BMPER: variants seen among roughly 807,000 people sequenced by gnomAD.
The protein encoded by BMPER is BMP binding endothelial regulator, also known as BMP-binding endothelial regulator protein.
Under a neutral mutation model 87.3 loss-of-function variants are expected in BMPER, and 45 were observed. That is an observed-to-expected ratio of 0.52 (90% CI 0.41 to 0.66). The LOEUF is 0.66. Ranked by LOEUF, BMPER falls within the 30% of genes least tolerant of loss-of-function variation. BMPER has a pLI of 0.00. For missense variants in BMPER, 784 were observed against 867.5 expected (o/e 0.90, Z 1.21); for synonymous variants, 326 against 316.2 (o/e 1.03, Z -0.33).
chr7:34,062,176 A>G (rs1788455043), intron 11 of BMPER, 129 bp downstream of exon 11: 4 of 798,732 alleles, frequency 5.0e-6, no homozygotes, highest in Non-Finnish European at 8.3e-6. Flanking sequence ...GGATCATCTC[A>G]CCTCCCTACA....
intron 3 of BMPER, among the ~76,000 whole-genome samples, chr7:33,957,784 A>G (rs1266405167): frequency 6.6e-6 from 1 of 152,208 alleles, no homozygotes; most frequent in African/African-American, 2.4e-5. Context: ...AATTAAAAAT[A>G]AAAGATAAAG....
intron 3 of BMPER, among the ~76,000 whole-genome samples, chr7:33,944,101 G>A (rs1784826410): frequency 6.6e-6 from 1 of 151,868 alleles, no homozygotes. Context: ...AAGAATGTGG[G>A]GAATGTTTTA....
intron 13 of BMPER, among the ~76,000 whole-genome samples, chr7:34,119,392 C>G (rs1176964147): frequency 6.6e-6 from 1 of 152,178 alleles, no homozygotes; most frequent in Non-Finnish European, 1.5e-5. Flanking sequence ...TGCTTTTTCT[C>G]CCTATAGCAC....
chr7:34,037,906 A>G (rs566878611), intron 6 of BMPER, among the ~76,000 whole-genome samples: 1 of 152,360 alleles, frequency 6.6e-6, no homozygotes, highest in East Asian at 1.9e-4. Flanking sequence ...ATTTAAATCG[A>G]GCTTCTTGGC....
In BMPER at chr7:34,153,394, ATGTG is replaced by A; in HGVS notation, c.*123_*126del. On this transcript the variant is annotated 3_prime_UTR_variant, in exon 15 of 15. Transcript: ENST00000649409. ...GTAAACACACACACACAGAGTATAT[ATGTG>A]TATATATATATAGATATATTCAAAA... 13 of 862,336 alleles carry A rather than the reference ATGTG, an allele frequency of 1.5e-5. No homozygotes were observed. The highest frequency in any genetic ancestry group is 2.2e-5 in the Non-Finnish European group (12 of 533,590). The allele number at this position is 862,336 out of a possible 1,614,324, so 53.4% of individuals were successfully genotyped here. A position where few individuals can be genotyped will look rare whatever the true frequency, so the allele number is the denominator to read the frequency against.
intron 13 of BMPER, among the ~76,000 whole-genome samples, chr7:34,088,939 T>C (rs540194309): frequency 2.0e-5 from 3 of 152,288 alleles, no homozygotes; most frequent in Non-Finnish European, 4.4e-5. Flanking sequence ...TAAGTGACGA[T>C]TGCATTGCAA....
intron 6 of BMPER, among the ~76,000 whole-genome samples, chr7:34,013,143 A>T (rs967294124): frequency 1.1e-4 from 16 of 151,584 alleles, no homozygotes; most frequent in Admixed American, 1.1e-3. Flanking sequence ...TCTCTGCTTG[A>T]TGCTTCTCAG....
At chr7:33,997,478 G>T (rs568404286) in intron 6 of BMPER, among the ~76,000 whole-genome samples, 1 of 152,084 alleles carries the variant, frequency 6.6e-6, no homozygotes, top group African/African-American at 2.4e-5. Context: ...AGTGTCTGGC[G>T]CTTCCCTCTT....
At chr7:34,036,547 G>A (rs1461671968) in intron 6 of BMPER, among the ~76,000 whole-genome samples, 1 of 152,066 alleles carries the variant, frequency 6.6e-6, no homozygotes, top group East Asian at 1.9e-4. Flanking sequence ...CCTTGCTGGG[G>A]GCAGATCACT....
chr7:33,992,851 G>A (rs1786267238), intron 6 of BMPER, among the ~76,000 whole-genome samples: 2 of 130,826 alleles, frequency 1.5e-5, no homozygotes, highest in African/African-American at 5.8e-5. Flanking sequence ...TGTCTGTAAA[G>A]GATTTTATTT....
intron 14 of BMPER, among the ~76,000 whole-genome samples, chr7:34,145,557 AG>A (rs1790995113): frequency 6.6e-6 from 1 of 152,210 alleles, no homozygotes. Flanking sequence ...AGGTTTTTGA[AG>A]AACTGGGTCC....
chr7:33,991,202 T>A (rs1331849335), intron 6 of BMPER, among the ~76,000 whole-genome samples: 2 of 150,532 alleles, frequency 1.3e-5, no homozygotes, highest in Non-Finnish European at 3.0e-5. Context: ...TACCAGTTCC[T>A]CCTTGTACCT....
chr7:34,004,603 C>G (rs1035293925), intron 6 of BMPER, among the ~76,000 whole-genome samples: 1 of 152,110 alleles, frequency 6.6e-6, no homozygotes, highest in African/African-American at 2.4e-5. Flanking sequence ...TGCTGTTTGT[C>G]AAGTGACTTT....
intron 2 of BMPER, among the ~76,000 whole-genome samples, chr7:33,926,100 G>T (rs1427723398): frequency 6.6e-6 from 1 of 152,198 alleles, no homozygotes; most frequent in African/African-American, 2.4e-5. Flanking sequence ...TGGATTGTAA[G>T]CTCTTCTAGG....
At chr7:34,093,972 C>T (rs1400192202) in intron 13 of BMPER, among the ~76,000 whole-genome samples, 2 of 152,202 alleles carry the variant, frequency 1.3e-5, no homozygotes, top group East Asian at 3.9e-4. Flanking sequence ...TACCGTGTAG[C>T]TAATTGAGGC....
intron 11 of BMPER, among the ~76,000 whole-genome samples, chr7:34,069,893 T>C (rs1788693417): frequency 2.6e-5 from 4 of 152,218 alleles, no homozygotes; most frequent in Admixed American, 1.3e-4. Flanking sequence ...TTCATATTCA[T>C]GAATGCTGTC....
intron 3 of BMPER, among the ~76,000 whole-genome samples, chr7:33,964,776 T>C (rs1244763104): frequency 6.6e-6 from 1 of 152,192 alleles, no homozygotes; most frequent in Non-Finnish European, 1.5e-5. Context: ...TTGCTTGCAC[T>C]ATTAGCAGCA....
chr7:34,089,241 A>T (rs1404977248), intron 13 of BMPER, among the ~76,000 whole-genome samples: 1 of 152,182 alleles, frequency 6.6e-6, no homozygotes, highest in African/African-American at 2.4e-5. Flanking sequence ...AGAATGAAGT[A>T]GCATAACACA....
intron 13 of BMPER, among the ~76,000 whole-genome samples, chr7:34,105,900 A>G (rs992427969): frequency 2.0e-5 from 3 of 152,194 alleles, no homozygotes; most frequent in African/African-American, 7.2e-5. Context: ...GGCCCAGTCT[A>G]TTCTAGGTAA....
Sources: allele counts gnomAD v4.1 joint callset (sites outside exome capture counted in the v4.1 genomes callset), GRCh38; gene constraint gnomAD v4.1.1; transcripts MANE v1.5; gene names NCBI Gene and HGNC (gene_info 2026-07-23, HGNC 2026-07-21).